Variants in WNT3 observed in about 807,000 individuals in gnomAD.
WNT3 encodes the protein Wnt family member 3.
In WNT3, 7 loss-of-function variants were observed where a neutral mutation model predicts 34.2. The observed-to-expected ratio is 0.20, with a 90% confidence interval of 0.12 to 0.38. WNT3 has a LOEUF of 0.38. Among genes scored for constraint, WNT3 ranks in the 10% least tolerant of loss-of-function variants. The pLI, the probability that WNT3 is intolerant of heterozygous loss-of-function variation, is 1.00. For missense variants in WNT3, 267 were observed against 499.8 expected, an observed-to-expected ratio of 0.53 and a Z score of 4.44; for synonymous variants, 212 against 211.5, an observed-to-expected ratio of 1.00 and a Z score of -0.02.
intron 1 of WNT3, among the ~76,000 whole-genome samples, chr17:46,812,916 A>C (rs2084294966): frequency 6.6e-6 from 1 of 152,186 alleles, no homozygotes. Flanking sequence ...TATGAAATAG[A>C]GGCAATCATT....
chr17:46,804,381 C>T (rs1398534029), intron 1 of WNT3, among the ~76,000 whole-genome samples: 4 of 152,238 alleles, frequency 2.6e-5, no homozygotes, highest in African/African-American at 9.6e-5. Flanking sequence ...GCCACCACAA[C>T]TAGCCTGTTT....
At chr17:46,775,422 A>G (rs2146389045) in intron 1 of WNT3, among the ~76,000 whole-genome samples, 1 of 152,222 alleles carries the variant, frequency 6.6e-6, no homozygotes, top group East Asian at 1.9e-4. Flanking sequence ...CATGCTACCC[A>G]TCCACCTTGG....
Position 46,768,151 on chromosome 17 carries a change from C to T in WNT3, c.*8+161G>A, listed in dbSNP as rs903718248. 4.6e-5 allele frequency among the ~76,000 whole-genome samples: 7 copies of T among 152,184 alleles called. No individual in the cohort carries two copies. Among genetic ancestry groups the T allele is most frequent in the African/African-American group, 1.2e-4 (5 of 41,432 alleles). On this transcript the variant is annotated intron_variant, in intron 4 of 4. Transcript: ENST00000225512. The surrounding 1 kb of genome is among the most constrained non-coding windows in gnomAD (Gnocchi z 5.0). Reference sequence around the variant, plus strand: ...AGTCTCTGCCCAAGGACCATTCCCACGGATGCTTGAAAAATCCTAGCTTCC... The same window carrying T: ...AGTCTCTGCCCAAGGACCATTCCCATGGATGCTTGAAAAATCCTAGCTTCC...
Position 46,804,927 on chromosome 17 carries a change from C to T in WNT3, c.80+13591G>A, listed in dbSNP as rs1046020554. Among the ~76,000 whole-genome samples the T allele has an allele frequency of 2.1e-5, 3 of 145,382 alleles. No homozygotes were observed. In the South Asian group the frequency reaches 7.2e-4, roughly 35 times the overall value. ...AAGCTGCCTCCCCGCCCACCCCCCC[C>T]ACCCCCAAGCCAGCAGCACCAACCC... On this transcript the variant is annotated intron_variant, in intron 1 of 4. Transcript: ENST00000225512.
At chr17:46,787,066 T>TC (rs1375171234) in intron 1 of WNT3, among the ~76,000 whole-genome samples, 1 of 151,772 alleles carries the variant, frequency 6.6e-6, no homozygotes, top group African/African-American at 2.4e-5. Flanking sequence ...GCCTCCTGAG[T>TC]AGCTGAGACT....
At chr17:46,787,691 C>T (rs748182940) in intron 1 of WNT3, among the ~76,000 whole-genome samples, 8 of 152,232 alleles carry the variant, frequency 5.3e-5, no homozygotes, top group Non-Finnish European at 1.0e-4. Flanking sequence ...CGGTGGCTCA[C>T]GCCTGTATTC....
chr17:46,797,498 C>T (rs1021516214), intron 1 of WNT3, among the ~76,000 whole-genome samples: 8 of 152,160 alleles, frequency 5.3e-5, no homozygotes, highest in East Asian at 1.9e-4. Flanking sequence ...GGGCTTGCCT[C>T]GGGCGGGAAG....
chr17:46,812,342 G>A (rs1172894447), intron 1 of WNT3, among the ~76,000 whole-genome samples: 8 of 136,362 alleles, frequency 5.9e-5, no homozygotes, highest in African/African-American at 1.9e-4. Context: ...CCCTACCCCC[G>A]CCCCAAGAAT....
intron 1 of WNT3, among the ~76,000 whole-genome samples, chr17:46,816,119 A>ACACACACACACACG (rs71138553): frequency 2.7e-5 from 4 of 150,552 alleles, no homozygotes; most frequent in Non-Finnish European, 5.9e-5. Flanking sequence ...ACGTACACAC[A>ACACACACACACACG]CACACACACA....
intron 1 of WNT3, among the ~76,000 whole-genome samples, chr17:46,781,889 G>T (rs978636402): frequency 1.3e-5 from 2 of 152,272 alleles, no homozygotes; most frequent in South Asian, 2.1e-4. Context: ...ATTTTCCGGG[G>T]TCACACAGCT....
rs369359159 is a variant in WNT3 at position 46,792,372 on chromosome 17, G to A, written c.81-18463C>T. Among the ~76,000 whole-genome samples the A allele has an allele frequency of 6.2e-4, 95 of 152,268 alleles. 1 individual carries two copies. The South Asian group carries it at 0.018, about 28-fold the overall frequency. ...AGATAAGGTGGGGTACATTTATTTG[G>A]GTAGAGAGTGGCTAATAAGGTAGTG... On this transcript the variant is annotated intron_variant, in intron 1 of 4. Transcript: ENST00000225512.
At chr17:46,788,769 C>T (rs1388697330) in intron 1 of WNT3, among the ~76,000 whole-genome samples, 1 of 151,766 alleles carries the variant, frequency 6.6e-6, no homozygotes, top group Non-Finnish European at 1.5e-5. Context: ...ACCTCCCTGC[C>T]TCCTTTCCCT....
intron 1 of WNT3, among the ~76,000 whole-genome samples, chr17:46,779,491 G>C (rs1371705028): frequency 6.6e-6 from 1 of 152,096 alleles, no homozygotes; most frequent in Non-Finnish European, 1.5e-5. Flanking sequence ...CCTCCACTCC[G>C]ACCACCCACT....
chr17:46,779,103 A>ACACACACACACACACCCCC (rs749719578), intron 1 of WNT3, among the ~76,000 whole-genome samples: 2 of 133,660 alleles, frequency 1.5e-5, no homozygotes, highest in Admixed American at 7.8e-5. Context: ...ACACACACAC[A>ACACACACACACACACCCCC]CCCCAGCCCA....
chr17:46,813,073 A>G (rs967383360), intron 1 of WNT3, among the ~76,000 whole-genome samples: 8 of 152,026 alleles, frequency 5.3e-5, no homozygotes, highest in Non-Finnish European at 8.8e-5. Context: ...TGGAAGTGCA[A>G]GCAGGTTGGC....
chr17:46,800,418 A>C (rs1462582297), intron 1 of WNT3, among the ~76,000 whole-genome samples: 1 of 152,154 alleles, frequency 6.6e-6, no homozygotes, highest in African/African-American at 2.4e-5. Flanking sequence ...GCCTGATAAC[A>C]GAATTCCTAA....
At chr17:46,777,132 C>T (rs761989648) in intron 1 of WNT3, among the ~76,000 whole-genome samples, 73 of 152,212 alleles carry the variant, frequency 4.8e-4, no homozygotes, top group Admixed American at 7.9e-4. Flanking sequence ...ATCGCTTGAA[C>T]CTGGGAGGTG....
intron 1 of WNT3, among the ~76,000 whole-genome samples, chr17:46,781,928 A>G (rs898078156): frequency 1.8e-4 from 27 of 152,170 alleles, no homozygotes; most frequent in Admixed American, 4.6e-4. Flanking sequence ...AGGAGAACCC[A>G]GGGCTCACAG....
chr17:46,780,213 T>C (rs1191146540), intron 1 of WNT3, among the ~76,000 whole-genome samples: 1 of 152,202 alleles, frequency 6.6e-6, no homozygotes, highest in Non-Finnish European at 1.5e-5. Context: ...CCTCAGATGC[T>C]GCCGTCCACC....
Sources: gnomAD v4.1 joint callset for allele counts (sites outside exome capture counted in the v4.1 genomes callset) on GRCh38, gnomAD v4.1.1 for gene constraint, Gnocchi (gnomAD v3.1) non-coding constraint, MANE v1.5 for transcripts, NCBI Gene and HGNC (gene_info 2026-07-23, HGNC 2026-07-21) for gene names.